Variants in SLC27A6 observed in about 807,000 individuals in gnomAD.
The protein encoded by SLC27A6 is long-chain fatty acid transport protein 6.
Under a neutral mutation model 63.9 loss-of-function variants are expected in SLC27A6, and 74 were observed. The observed-to-expected ratio is 1.16, with a 90% CI of 0.96 to 1.40. SLC27A6 has a LOEUF of 1.40. Ranked by LOEUF, SLC27A6 falls within the 40% of genes most tolerant of loss-of-function variation. SLC27A6 has a pLI of 0.00. For missense variants in SLC27A6, 794 were observed against 732.9 expected, an observed-to-expected ratio of 1.08 and a Z score of -0.96; for synonymous variants, 287 against 260.8, an observed-to-expected ratio of 1.10 and a Z score of -0.97.
At position 129,020,143 on chromosome 5, in the gene SLC27A6, GA is replaced by G. The variant is rs1561630998; in HGVS notation, c.1165-3470del. On this transcript the variant is annotated intron_variant, in intron 5 of 9. Transcript: ENST00000262462. The stretch of plus-strand genomic sequence containing the variant: ...TCTCAAAATAAAACACTCAAGGCTA[GA>G]AAAAAAGGAAAGAATTGGCTTCACT... Among the ~76,000 whole-genome samples the G allele has an allele frequency of 2.0e-5, 3 of 152,000 alleles. No individual in the cohort carries two copies. The South Asian group carries it at 6.2e-4, about 31-fold the overall frequency.
At chr5:129,007,963 T>C (rs528219702) in intron 4 of SLC27A6, among the ~76,000 whole-genome samples, 1 of 152,094 alleles carries the variant, frequency 6.6e-6, no homozygotes, top group Non-Finnish European at 1.5e-5. Context: ...GTCCAGAATT[T>C]ATTAATAAAT....
Position 129,005,350 on chromosome 5 carries a change from T to G in SLC27A6, c.970-10535T>G, listed in dbSNP as rs144102322. 1.5e-3 allele frequency among the ~76,000 whole-genome samples: 221 copies of G among 152,286 alleles called. 1 individual carries two copies. Among genetic ancestry groups the G allele is most frequent in the African/African-American group, 4.8e-3 (201 of 41,558 alleles). ...ACATGGGAATCTGGATAAGGAAACT[T>G]TATAAACCAATATTTGTAGCACCAA... On this transcript the variant is annotated intron_variant, in intron 4 of 9. Transcript: ENST00000262462.
chr5:128,990,010 A>T (rs772136111), intron 3 of SLC27A6, among the ~76,000 whole-genome samples: 1 of 152,170 alleles, frequency 6.6e-6, no homozygotes, highest in Non-Finnish European at 1.5e-5. Context: ...AAGTAAGTGA[A>T]TATTCTTGGC....
intron 1 of SLC27A6, among the ~76,000 whole-genome samples, chr5:128,977,908 T>G (rs1750443443): frequency 1.3e-5 from 2 of 151,992 alleles, no homozygotes; most frequent in African/African-American, 4.8e-5. Context: ...TTGTTTTAAG[T>G]AAAGAGAAGA....
intron 4 of SLC27A6, among the ~76,000 whole-genome samples, chr5:129,006,769 C>A (rs1475844934): frequency 1.3e-5 from 2 of 151,988 alleles, no homozygotes; most frequent in Non-Finnish European, 2.9e-5. Context: ...TGTTTAGATT[C>A]TTAGTTACCA....
intron 4 of SLC27A6, among the ~76,000 whole-genome samples, chr5:128,995,229 G>A (rs978917334): frequency 6.6e-6 from 1 of 152,166 alleles, no homozygotes; most frequent in African/African-American, 2.4e-5. Context: ...TGCAGAGTTT[G>A]TCTTATATAA....
intron 1 of SLC27A6, among the ~76,000 whole-genome samples, chr5:128,973,180 G>T (rs1750249507): frequency 6.6e-6 from 1 of 152,178 alleles, no homozygotes; most frequent in South Asian, 2.1e-4. Flanking sequence ...TGCAGTGTCA[G>T]TTGGCCCCTA....
At chr5:129,017,571 G>A (rs1441151537) in intron 5 of SLC27A6, among the ~76,000 whole-genome samples, 1 of 152,010 alleles carries the variant, frequency 6.6e-6, no homozygotes, top group Admixed American at 6.6e-5. Context: ...AAAATGTTTG[G>A]TGATGAATAC....
rs753339205 is a variant in SLC27A6 at position 128,966,338 on chromosome 5, A to G, written c.201A>G (p.Gln67=). The part of the protein sequence containing the change: ...LDKFLSHAKR[Q]PRKPFIIYEG... ...AATTCTTGAGTCATGCCAAAAGACAACCTCGGAAACCTTTCATCATCTATG... is the reference window on the plus strand; with the variant it reads ...AATTCTTGAGTCATGCCAAAAGACAGCCTCGGAAACCTTTCATCATCTATG... The change falls in exon 1 of 10, where the codon CAA becomes CAG. Residue 67 remains glutamine (Q), a synonymous_variant. Coordinates refer to ENST00000262462, the MANE Select transcript of SLC27A6 (RefSeq NM_001017372.3). 1.2e-6 allele frequency: 2 copies of G among 1,614,008 alleles called. No individual in the cohort carries two copies. Among genetic ancestry groups the G allele is most frequent in the African/African-American group, 1.3e-5 (1 of 74,896 alleles).
chr5:128,985,304 C>G lies in SLC27A6; in HGVS notation c.653C>G (p.Thr218Ser). ...CATGTTGTCTCACTCCTCAAGTCTA[C>G]TTGTCTTTACATTTTTACCTCTGGA... ...SHHVVSLLKSTCLYIFTSGTT... is the reference protein window; with the variant it reads ...SHHVVSLLKSSCLYIFTSGTT... Residue 218 changes from threonine to serine, a missense_variant, in exon 2 of 10, where the codon ACT becomes AGT. Thr to Ser is a moderately conservative substitution (Grantham distance 58). Transcript: ENST00000262462. The G allele has an allele frequency of 6.2e-7, 1 of 1,614,062 alleles. No individual in the cohort carries two copies. Among genetic ancestry groups the G allele is most frequent in the Non-Finnish European group, 8.5e-7 (1 of 1,179,972 alleles).
Position 128,966,579 on chromosome 5 carries a change from A to C in SLC27A6, c.442A>C (p.Ile148Leu), listed in dbSNP as rs776445071. ...TCGCTCCAACTCCCTCCTGAATTGC[A>C]TCCGCGCCTGTGGGCCCAGAGCCCT... The part of the protein sequence containing the change: ...NIRSNSLLNC[I>L]RACGPRALVV... Residue 148 changes from isoleucine (I) to leucine (L), a missense_variant, in exon 1 of 10, where the codon ATC becomes CTC. Physicochemically the swap from Ile to Leu is conservative, Grantham distance 5. Transcript: ENST00000262462. The C allele has an allele frequency of 6.5e-7, 1 of 1,548,988 alleles. No homozygotes were observed. The highest frequency in any genetic ancestry group is 8.7e-7 in the Non-Finnish European group (1 of 1,154,898).
At chr5:129,004,206 G>T (rs772850252) in intron 4 of SLC27A6, among the ~76,000 whole-genome samples, 1 of 152,144 alleles carries the variant, frequency 6.6e-6, no homozygotes, top group African/African-American at 2.4e-5. Flanking sequence ...CTCACAGTGT[G>T]AGTCCCTCTG....
chr5:128,990,606 T>C (rs925355050), intron 4 of SLC27A6, 142 bp downstream of exon 4: 1 of 865,124 alleles, frequency 1.2e-6, no homozygotes, highest in Admixed American at 2.7e-5. Flanking sequence ...TAGTGGCAGG[T>C]GCTACCTAGA....
chr5:129,015,796 T>A, intron 4 of SLC27A6, 89 bp from the exon 5 acceptor site: 1 of 923,238 alleles, frequency 1.1e-6, no homozygotes, highest in Non-Finnish European at 1.6e-6. Context: ...CATATGCAGT[T>A]TACGTCTATG....
intron 4 of SLC27A6, among the ~76,000 whole-genome samples, chr5:128,997,690 T>G (rs2150140293): frequency 6.6e-6 from 1 of 152,364 alleles, no homozygotes; most frequent in African/African-American, 2.4e-5. Flanking sequence ...CCATTTATGC[T>G]AATTCCATTG....
intron 4 of SLC27A6, among the ~76,000 whole-genome samples, chr5:129,011,042 T>C (rs1424873154): frequency 1.3e-5 from 2 of 152,204 alleles, no homozygotes; most frequent in African/African-American, 4.8e-5. Context: ...ATTTAAAATA[T>C]ATCTATTTTA....
intron 2 of SLC27A6, among the ~76,000 whole-genome samples, chr5:128,988,036 A>G (rs959404150): frequency 9.2e-5 from 14 of 152,102 alleles, no homozygotes; most frequent in Admixed American, 7.2e-4. Flanking sequence ...CCAAAAATGA[A>G]AAAAAATAGA....
At chr5:129,007,847 T>C (rs530443573) in intron 4 of SLC27A6, among the ~76,000 whole-genome samples, 1 of 152,162 alleles carries the variant, frequency 6.6e-6, no homozygotes, top group South Asian at 2.1e-4. Context: ...TTAAGAACAA[T>C]GTAGCAGTTC....
At chr5:128,994,143 G>A (rs1158491617) in intron 4 of SLC27A6, among the ~76,000 whole-genome samples, 1 of 151,444 alleles carries the variant, frequency 6.6e-6, no homozygotes, top group African/African-American at 2.4e-5. Context: ...CTCCAGCCTG[G>A]GTGACAGAGC....
Sources: allele counts gnomAD v4.1 joint callset (sites outside exome capture counted in the v4.1 genomes callset), GRCh38; gene constraint gnomAD v4.1.1; transcripts MANE v1.5; gene names NCBI Gene and HGNC (gene_info 2026-07-23, HGNC 2026-07-21).